CLSTN2: variants seen among roughly 807,000 people sequenced by gnomAD.
CLSTN2 encodes calsyntenin-2.
A neutral mutation model predicts 101.2 loss-of-function variants in CLSTN2; 48 were observed. That is an observed-to-expected ratio of 0.47 (90% CI 0.38 to 0.60). The LOEUF (loss-of-function observed/expected upper bound fraction) is 0.60. Among genes scored for constraint, CLSTN2 ranks in the 20% least tolerant of loss-of-function variants. The pLI, the probability that CLSTN2 is intolerant of heterozygous loss-of-function variation, is 0.00. For missense variants in CLSTN2, 1,160 were observed against 1,238.2 expected, an observed-to-expected ratio of 0.94 and a Z score of 0.95; for synonymous variants, 481 against 463.6, an observed-to-expected ratio of 1.04 and a Z score of -0.48.
intron 1 of CLSTN2, among the ~76,000 whole-genome samples, chr3:139,960,691 G>A (rs1053395371): frequency 6.6e-6 from 1 of 152,206 alleles, no homozygotes; most frequent in Non-Finnish European, 1.5e-5. Flanking sequence ...CATGGAGATA[G>A]GTTCAACCAT....
In CLSTN2 at chr3:140,562,882, C is replaced by T; in HGVS notation, c.2284C>T (p.Leu762Phe). 1 of 1,614,172 alleles carries T rather than the reference C, an allele frequency of 6.2e-7. No homozygotes were observed. The highest frequency in any genetic ancestry group is 1.3e-5 in the African/African-American group (1 of 75,066). ...CTACCGCAACTGGCGTCCGGCTTCC[C>T]TTGAGGCCCGGCGTTTCCGGATTAA... The part of the protein sequence containing the change: ...IRYRNWRPAS[L>F]EARRFRIKCS... The change falls in exon 14 of 17, where the codon CTT (leucine) becomes TTT (phenylalanine). Residue 762 changes from leucine (L) to phenylalanine (F), a missense_variant. Transcript: ENST00000458420.
At chr3:140,548,083 G>C (rs965431281) in intron 10 of CLSTN2, among the ~76,000 whole-genome samples, 3 of 152,250 alleles carry the variant, frequency 2.0e-5, no homozygotes, top group Non-Finnish European at 4.4e-5. Context: ...CAGATCAGTA[G>C]CCTACTGCTA....
chr3:140,382,421 A>G (rs1248094448), intron 2 of CLSTN2, among the ~76,000 whole-genome samples: 1 of 152,204 alleles, frequency 6.6e-6, no homozygotes, highest in Admixed American at 6.5e-5. Flanking sequence ...AAGAAGGCTG[A>G]TCATCCAGGG....
intron 2 of CLSTN2, among the ~76,000 whole-genome samples, chr3:140,179,728 A>AT (rs2010380456): frequency 1.4e-5 from 2 of 145,678 alleles, no homozygotes; most frequent in East Asian, 2.1e-4. Flanking sequence ...TTTATTACAT[A>AT]TTTTTCTGAA....
At chr3:140,003,702 C>T (rs1439702819) in intron 1 of CLSTN2, among the ~76,000 whole-genome samples, 2 of 152,022 alleles carry the variant, frequency 1.3e-5, no homozygotes, top group African/African-American at 4.8e-5. Context: ...GGTATGTTTC[C>T]TCTATACCAA....
At chr3:140,285,702 G>T (rs768983766) in intron 2 of CLSTN2, among the ~76,000 whole-genome samples, 1 of 152,156 alleles carries the variant, frequency 6.6e-6, no homozygotes, top group African/African-American at 2.4e-5. Context: ...AAGTTCTCTT[G>T]ATGCCAATGC....
intron 8 of CLSTN2, among the ~76,000 whole-genome samples, chr3:140,530,624 T>A (rs939842681): frequency 6.6e-6 from 1 of 152,242 alleles, no homozygotes; most frequent in East Asian, 1.9e-4. Flanking sequence ...CCATCCAGCT[T>A]CAGCAGATGT....
intron 1 of CLSTN2, among the ~76,000 whole-genome samples, chr3:140,112,756 G>C (rs187838871): frequency 6.6e-5 from 10 of 152,124 alleles, no homozygotes; most frequent in Admixed American, 5.9e-4. Context: ...AGAAAGAGCA[G>C]ACAGTCTGCC....
chr3:140,062,154 G>A (rs921736854), intron 1 of CLSTN2, among the ~76,000 whole-genome samples: 4 of 152,122 alleles, frequency 2.6e-5, no homozygotes, highest in Admixed American at 2.0e-4. Context: ...GGTCCATGCC[G>A]TAGAGCCCCG....
chr3:140,095,055 G>A (rs1453347494), intron 1 of CLSTN2, among the ~76,000 whole-genome samples: 2 of 152,160 alleles, frequency 1.3e-5, no homozygotes, highest in South Asian at 2.1e-4. Context: ...CTCTCAGCTT[G>A]TGAGAGTCTT....
chr3:140,246,493 C>T (rs911132329), intron 2 of CLSTN2, among the ~76,000 whole-genome samples: 1 of 152,130 alleles, frequency 6.6e-6, no homozygotes, highest in Non-Finnish European at 1.5e-5. Context: ...AGAAGCTGTA[C>T]ACACTTGATC....
At chr3:140,529,110 T>G (rs1274436823) in intron 8 of CLSTN2, among the ~76,000 whole-genome samples, 1 of 152,138 alleles carries the variant, frequency 6.6e-6, no homozygotes, top group East Asian at 1.9e-4. Context: ...ACAGAGAACC[T>G]CTCACCTGAT....
chr3:139,958,987 C>G (rs1359927909), intron 1 of CLSTN2, among the ~76,000 whole-genome samples: 1 of 151,614 alleles, frequency 6.6e-6, no homozygotes, highest in Admixed American at 6.6e-5. Flanking sequence ...AGATGTCTTG[C>G]CAACTTGCTT....
intron 2 of CLSTN2, among the ~76,000 whole-genome samples, chr3:140,394,669 C>T (rs1037176012): frequency 2.0e-5 from 3 of 152,182 alleles, no homozygotes; most frequent in African/African-American, 7.2e-5. Context: ...TCTGTAAACA[C>T]GGAGGTGGTT....
At chr3:140,489,220 G>T (rs1484375586) in intron 8 of CLSTN2, among the ~76,000 whole-genome samples, 2 of 152,108 alleles carry the variant, frequency 1.3e-5, no homozygotes, top group African/African-American at 4.8e-5. Flanking sequence ...ATGGGGTGCA[G>T]GGAAGGGGCT....
At chr3:140,402,121 G>C (rs2088249648) in intron 2 of CLSTN2, among the ~76,000 whole-genome samples, 1 of 152,238 alleles carries the variant, frequency 6.6e-6, no homozygotes, top group African/African-American at 2.4e-5. Flanking sequence ...ATAAAGGTAA[G>C]ATTGGTATTG....
chr3:140,309,751 C>A (rs772658738), intron 2 of CLSTN2, among the ~76,000 whole-genome samples: 2 of 152,096 alleles, frequency 1.3e-5, no homozygotes, highest in Non-Finnish European at 2.9e-5. Flanking sequence ...GTCTTTCCTT[C>A]GTGCTTCTCC....
intron 1 of CLSTN2, among the ~76,000 whole-genome samples, chr3:140,056,676 A>G (rs1183144159): frequency 6.6e-6 from 1 of 152,210 alleles, no homozygotes; most frequent in East Asian, 1.9e-4. Context: ...TACACTCTCT[A>G]ATTACAGTGT....
chr3:140,430,363 G>A (rs2088615593), intron 5 of CLSTN2, among the ~76,000 whole-genome samples: 2 of 152,166 alleles, frequency 1.3e-5, no homozygotes, highest in Non-Finnish European at 1.5e-5. Flanking sequence ...ACCTGTTTTT[G>A]TAAAACTGTG....
Sources: gnomAD v4.1 joint callset for allele counts (sites outside exome capture counted in the v4.1 genomes callset) on GRCh38, gnomAD v4.1.1 for gene constraint, MANE v1.5 for transcripts, NCBI Gene and HGNC (gene_info 2026-07-23, HGNC 2026-07-21) for gene names.